Variants in KANSL1L observed in about 807,000 individuals in gnomAD.
KANSL1L encodes the protein KAT8 regulatory NSL complex subunit 1-like protein.
KANSL1L carries 25 observed loss-of-function variants against 108.6 expected under a neutral mutation model. The ratio of observed to expected loss-of-function variants is 0.23; its 90% confidence interval spans 0.17 to 0.32. The LOEUF (loss-of-function observed/expected upper bound fraction) is 0.32. Ranked by LOEUF, KANSL1L falls within the 10% of genes least tolerant of loss-of-function variation. The probability of loss-of-function intolerance (pLI) is 1.00; values close to 1 mark genes in which losing one functional copy is unlikely to be tolerated. For missense variants in KANSL1L, 1,137 were observed against 1,125.7 expected (o/e 1.01, Z -0.14); for synonymous variants, 405 against 395.1 (o/e 1.03, Z -0.30).
chr2:210,044,253 T>A lies in KANSL1L; in HGVS notation c.1756-149A>T. 2.1e-6 allele frequency: 1 copy of A among 468,502 alleles called. No homozygotes were observed. Among genetic ancestry groups the A allele is most frequent in the Non-Finnish European group, 3.7e-6 (1 of 270,794 alleles). The allele number at this position is 468,502 out of a possible 1,614,324, so 29.0% of individuals were successfully genotyped here. A position where few individuals can be genotyped will look rare whatever the true frequency, so the allele number is the denominator to read the frequency against. On this transcript the variant is annotated intron_variant, in intron 6 of 14. Coordinates refer to ENST00000281772, the MANE Select transcript of KANSL1L (RefSeq NM_152519.4). This position sits in a 1 kb window ranked among gnomAD's most constrained non-coding sequence, Gnocchi z 4.2. Reference sequence around the variant, plus strand: ...TGCTAGATGTTTTCCCAATTAACTTTAATATTTATTAATTCAATCATAAAA... The same window carrying A: ...TGCTAGATGTTTTCCCAATTAACTTAAATATTTATTAATTCAATCATAAAA...
At chr2:210,079,644 A>ATATATATATGTGTGTG (rs1559539636) in intron 5 of KANSL1L, among the ~76,000 whole-genome samples, 1 of 8,976 alleles carries the variant, frequency 1.1e-4, no homozygotes. Flanking sequence ...ATATATATAT[A>ATATATATATGTGTGTG]TATATATATA....
At chr2:210,128,431 G>C (rs993240003) in intron 3 of KANSL1L, among the ~76,000 whole-genome samples, 6 of 152,142 alleles carry the variant, frequency 3.9e-5, no homozygotes, top group Non-Finnish European at 7.4e-5. Flanking sequence ...TCTTAAAAAG[G>C]AAAGAAATTC....
intron 3 of KANSL1L, among the ~76,000 whole-genome samples, chr2:210,115,849 G>C (rs181310855): frequency 6.6e-6 from 1 of 152,288 alleles, no homozygotes; most frequent in East Asian, 1.9e-4. Context: ...AATAGCATGA[G>C]AGAGGGGAGG....
intron 1 of KANSL1L, among the ~76,000 whole-genome samples, chr2:210,164,871 T>G: frequency 6.7e-6 from 1 of 149,940 alleles, no homozygotes; most frequent in Non-Finnish European, 1.5e-5. Flanking sequence ...TTTTTTTTGT[T>G]TTTTTTTGTT....
chr2:210,048,731 GATT>G lies in KANSL1L; in HGVS notation c.1756-4630_1756-4628del, dbSNP rs551669542. Among the ~76,000 whole-genome samples, 824 of 151,474 alleles carry G rather than the reference GATT, an allele frequency of 5.4e-3. 4 individuals are homozygous for G. Among genetic ancestry groups the G allele is most frequent in the African/African-American group, 0.019 (790 of 41,320 alleles). Reference sequence around the variant, plus strand: ...GTGGCCTTAGTGTTGTGTGTTCTGTGATTTTTTTTTTCTTATTGGGAATTCATT... The same window carrying G: ...GTGGCCTTAGTGTTGTGTGTTCTGTGTTTTTTTTCTTATTGGGAATTCATT... On this transcript the variant is annotated intron_variant, in intron 6 of 14. Coordinates refer to ENST00000281772, the MANE Select transcript of KANSL1L (RefSeq NM_152519.4).
At chr2:210,126,314 A>G (rs1240183887) in intron 3 of KANSL1L, among the ~76,000 whole-genome samples, 3 of 152,230 alleles carry the variant, frequency 2.0e-5, no homozygotes, top group African/African-American at 4.8e-5. Context: ...GAAATTAAAG[A>G]AGATATAAAT....
chr2:210,154,186 T>C lies in KANSL1L; in HGVS notation c.397A>G (p.Ile133Val). Residue 133 changes from isoleucine (I) to valine (V), a missense_variant, in exon 2 of 15, where the codon ATC (isoleucine) becomes GTC (valine). Ile to Val is a conservative substitution (Grantham distance 29). This residue lies in a region of KANSL1L where 556 missense variants were observed against 537.7 expected (regional missense o/e 1.03). Coordinates refer to ENST00000281772, the MANE Select transcript of KANSL1L (RefSeq NM_152519.4). The part of the protein sequence containing the change: ...KICLSHSEEF[I>V]KKEPLSDTTS... ...GTATCTGATAGAGGCTCCTTTTTGA[T>C]GAACTCTTCAGAATGAGAAAGACAG... 6.2e-7 allele frequency: 1 copy of C among 1,614,084 alleles called. No homozygotes were observed. The highest frequency in any genetic ancestry group is 8.5e-7 in the Non-Finnish European group (1 of 1,179,944).
intron 3 of KANSL1L, among the ~76,000 whole-genome samples, chr2:210,121,116 A>G (rs938883475): frequency 3.9e-5 from 6 of 152,168 alleles, no homozygotes; most frequent in Admixed American, 1.3e-4. Context: ...AGACAGATAT[A>G]CCATTTGACC....
In KANSL1L at chr2:210,154,616, A is replaced by T; in HGVS notation, c.-29-5T>A. On this transcript the variant is annotated splice_polypyrimidine_tract_variant and splice_region_variant and intron_variant, in intron 1 of 14. Coordinates refer to ENST00000281772, the MANE Select transcript of KANSL1L (RefSeq NM_152519.4). ...CTGTAGATAAGTATTGGAAACCTAC[A>T]ATAATGTAAAAATAAATGGTCAAAT... 7.2e-7 allele frequency: 1 copy of T among 1,390,752 alleles called. No individual in the cohort carries two copies. Among genetic ancestry groups the T allele is most frequent in the Non-Finnish European group, 9.4e-7 (1 of 1,065,890 alleles). 86.2% of individuals were successfully genotyped at this position (1,390,752 alleles called of 1,614,324 possible).
rs145873105 is a variant in KANSL1L at position 210,071,353 on chromosome 2, C to T, written c.1755+4199G>A. On this transcript the variant is annotated intron_variant, in intron 6 of 14. Transcript: ENST00000281772. ...CATGATCTCAGCTCGCTGCAACCTCCGCGTCTCAGGTTCAAGCGATTCTCA... is the reference window on the plus strand; with the variant it reads ...CATGATCTCAGCTCGCTGCAACCTCTGCGTCTCAGGTTCAAGCGATTCTCA... 6.1e-3 allele frequency among the ~76,000 whole-genome samples: 919 copies of T among 151,788 alleles called. 7 individuals are homozygous for T. The highest frequency in any genetic ancestry group is 0.017 in the Middle Eastern group (5 of 294).
chr2:210,034,116 A>T (rs2094066186), intron 8 of KANSL1L, among the ~76,000 whole-genome samples: 1 of 152,146 alleles, frequency 6.6e-6, no homozygotes. Context: ...ATCCAACAAC[A>T]ACTTTACAGA....
At chr2:210,071,204 G>C (rs2094505381) in intron 6 of KANSL1L, among the ~76,000 whole-genome samples, 1 of 152,024 alleles carries the variant, frequency 6.6e-6, no homozygotes, top group South Asian at 2.1e-4. Flanking sequence ...CAACTTTCAT[G>C]TTTATGTGGC....
chr2:210,166,617 T>C (rs1350551044), intron 1 of KANSL1L, among the ~76,000 whole-genome samples: 1 of 152,118 alleles, frequency 6.6e-6, no homozygotes, highest in Non-Finnish European at 1.5e-5. Flanking sequence ...GAAAATATCC[T>C]ATCCAAATCT....
At chr2:210,161,028 G>A (rs1226919826) in intron 1 of KANSL1L, among the ~76,000 whole-genome samples, 5 of 140,080 alleles carry the variant, frequency 3.6e-5, no homozygotes, top group South Asian at 2.2e-4. Context: ...TCACTCTGTC[G>A]CCCAGGCTGG....
intron 2 of KANSL1L, among the ~76,000 whole-genome samples, chr2:210,145,502 A>T (rs1470141018): frequency 6.6e-6 from 1 of 152,176 alleles, no homozygotes; most frequent in Non-Finnish European, 1.5e-5. Flanking sequence ...CACAGCTACA[A>T]TGTTTCTGGG....
At chr2:210,103,774 T>C (rs2094819095) in intron 4 of KANSL1L, among the ~76,000 whole-genome samples, 1 of 152,078 alleles carries the variant, frequency 6.6e-6, no homozygotes, top group Non-Finnish European at 1.5e-5. Flanking sequence ...ACATATTAAC[T>C]GGTACAATTG....
At chr2:210,133,130 C>T (rs1378367877) in intron 2 of KANSL1L, among the ~76,000 whole-genome samples, 1 of 151,956 alleles carries the variant, frequency 6.6e-6, no homozygotes, top group Admixed American at 6.6e-5. Context: ...GGATTGGTTC[C>T]AGGACCCCCT....
At chr2:210,058,875 CAG>C (rs1341336319) in intron 6 of KANSL1L, among the ~76,000 whole-genome samples, 5 of 139,156 alleles carry the variant, frequency 3.6e-5, no homozygotes, top group Non-Finnish European at 7.7e-5. Flanking sequence ...TTTTACGGCT[CAG>C]GGGGCATCAC....
chr2:210,084,811 C>G lies in KANSL1L; in HGVS notation c.1551-9055G>C, dbSNP rs571233176. On this transcript the variant is annotated intron_variant, in intron 5 of 14. Coordinates refer to ENST00000281772, the MANE Select transcript of KANSL1L (RefSeq NM_152519.4). ...GTTTTTAGTAGAGATGGGGTTTCAC[C>G]ATGTTGGCCAGGATGGTCTCGATCT... Among the ~76,000 whole-genome samples, 11 of 152,230 alleles carry G rather than the reference C, an allele frequency of 7.2e-5. No homozygotes were observed. The South Asian group carries it at 2.3e-3, about 32-fold the overall frequency.
Sources: gnomAD v4.1 joint callset for allele counts (sites outside exome capture counted in the v4.1 genomes callset) on GRCh38, gnomAD v4.1.1 for gene constraint, gnomAD v4.1.1 regional missense constraint, Gnocchi (gnomAD v3.1) non-coding constraint, MANE v1.5 for transcripts, NCBI Gene and HGNC (gene_info 2026-07-23, HGNC 2026-07-21) for gene names.